ITGBL1: variants seen among roughly 807,000 people sequenced by gnomAD.
The protein encoded by ITGBL1 is integrin beta-like protein 1.
Under a neutral mutation model 68.5 loss-of-function variants are expected in ITGBL1, and 51 were observed. That is an observed-to-expected ratio of 0.74 (90% CI 0.59 to 0.94). The LOEUF (loss-of-function observed/expected upper bound fraction) is 0.94. ITGBL1 is among the 40% of genes least tolerant of loss of function. The pLI, the probability that ITGBL1 is intolerant of heterozygous loss-of-function variation, is 0.00. For missense variants in ITGBL1, 649 were observed against 647.4 expected (o/e 1.00, Z -0.03); for synonymous variants, 209 against 227.3 (o/e 0.92, Z 0.72).
At chr13:101,674,016 A>G (rs2139510807) in intron 7 of ITGBL1, among the ~76,000 whole-genome samples, 1 of 152,364 alleles carries the variant, frequency 6.6e-6, no homozygotes. Flanking sequence ...AAAGGGGCAA[A>G]TGTGAAAGTT....
At chr13:101,621,750 G>T (rs1408509063) in intron 7 of ITGBL1, among the ~76,000 whole-genome samples, 1 of 152,094 alleles carries the variant, frequency 6.6e-6, no homozygotes, top group Non-Finnish European at 1.5e-5. Flanking sequence ...GTCTTCTCTT[G>T]GGAAAAGGCA....
intron 7 of ITGBL1, among the ~76,000 whole-genome samples, chr13:101,599,154 T>A (rs1594917230): frequency 6.6e-6 from 1 of 151,874 alleles, no homozygotes; most frequent in Admixed American, 6.6e-5. Context: ...GGTATCTCAT[T>A]GTGGTTTTGA....
intron 2 of ITGBL1, among the ~76,000 whole-genome samples, chr13:101,551,800 C>T (rs1420248094): frequency 6.6e-6 from 1 of 151,564 alleles, no homozygotes; most frequent in African/African-American, 2.4e-5. Flanking sequence ...TATTGGTATG[C>T]CAATGCAAAA....
chr13:101,602,349 T>C (rs2030435241), intron 7 of ITGBL1, among the ~76,000 whole-genome samples: 1 of 152,048 alleles, frequency 6.6e-6, no homozygotes, highest in Non-Finnish European at 1.5e-5. Context: ...AAGGACAAAT[T>C]CATCTAGAAG....
intron 7 of ITGBL1, among the ~76,000 whole-genome samples, chr13:101,639,077 G>A (rs1357262162): frequency 1.3e-5 from 2 of 152,092 alleles, no homozygotes; most frequent in Non-Finnish European, 2.9e-5. Context: ...TCTCAGAAAC[G>A]CCCCAGTCCT....
chr13:101,584,392 A>T (rs2050515770), intron 6 of ITGBL1, among the ~76,000 whole-genome samples: 1 of 152,242 alleles, frequency 6.6e-6, no homozygotes, highest in South Asian at 2.1e-4. Flanking sequence ...GTTCTATTTG[A>T]TAACCCATAA....
chr13:101,596,186 T>C (rs916830392), intron 6 of ITGBL1, among the ~76,000 whole-genome samples: 2 of 151,848 alleles, frequency 1.3e-5, no homozygotes, highest in East Asian at 1.9e-4. Context: ...AAGCCAGACA[T>C]AGACAAAAAA....
At chr13:101,625,400 C>G (rs1284584250) in intron 7 of ITGBL1, among the ~76,000 whole-genome samples, 1 of 152,162 alleles carries the variant, frequency 6.6e-6, no homozygotes, top group Non-Finnish European at 1.5e-5. Context: ...CGGCCAGGAA[C>G]AAATCATATA....
intron 7 of ITGBL1, among the ~76,000 whole-genome samples, chr13:101,646,916 G>A (rs1285371392): frequency 6.6e-6 from 1 of 152,012 alleles, no homozygotes; most frequent in Non-Finnish European, 1.5e-5. Flanking sequence ...GCTAAATCCT[G>A]GAGTTTTATA....
At chr13:101,552,513 T>C (rs1021215937) in intron 2 of ITGBL1, among the ~76,000 whole-genome samples, 1 of 152,208 alleles carries the variant, frequency 6.6e-6, no homozygotes, top group Non-Finnish European at 1.5e-5. Context: ...GATCTTGTTT[T>C]GTAGGAAAAC....
At chr13:101,503,771 T>C (rs1269461927) in intron 2 of ITGBL1, among the ~76,000 whole-genome samples, 2 of 152,216 alleles carry the variant, frequency 1.3e-5, no homozygotes, top group Admixed American at 6.5e-5. Flanking sequence ...AATGGTAGAC[T>C]TGAGACTTTC....
At chr13:101,659,039 A>ATTTTTTT (rs55935871) in intron 7 of ITGBL1, among the ~76,000 whole-genome samples, 6 of 103,838 alleles carry the variant, frequency 5.8e-5, no homozygotes, top group Admixed American at 1.2e-4. Flanking sequence ...TGGTGATTGA[A>ATTTTTTT]TTTTTTTTTT....
chr13:101,489,997 A>G, intron 2 of ITGBL1: 1 of 1,460,050 alleles, frequency 6.8e-7, no homozygotes. Flanking sequence ...AGCATTTAAT[A>G]AAGGTAAGTA....
At chr13:101,719,892 C>T (rs1328850485), downstream of ITGBL1, 1 of 151,980 alleles carries the variant, frequency 6.6e-6, no homozygotes, top group Non-Finnish European at 1.5e-5. Flanking sequence ...GAAGTCTTAT[C>T]CCAAACAAAT....
chr13:101,533,895 T>C (rs528146942), intron 2 of ITGBL1, among the ~76,000 whole-genome samples: 1 of 152,314 alleles, frequency 6.6e-6, no homozygotes, highest in African/African-American at 2.4e-5. Flanking sequence ...AAATATTCCA[T>C]TAATAATGTT....
At chr13:101,591,310 A>G (rs758304831) in intron 6 of ITGBL1, among the ~76,000 whole-genome samples, 29 of 152,090 alleles carry the variant, frequency 1.9e-4, no homozygotes, top group Admixed American at 9.8e-4. Flanking sequence ...CCCATACTGT[A>G]AAGTCTAATC....
At chr13:101,653,859 TTTTG>T (rs570759605) in intron 7 of ITGBL1, among the ~76,000 whole-genome samples, 1 of 66,114 alleles carries the variant, frequency 1.5e-5, no homozygotes, top group East Asian at 3.9e-4. Context: ...CAGCTACTTT[TTTTG>T]TTTTTTGTTT....
At chr13:101,472,193 G>T (rs1273848418) in intron 2 of ITGBL1, among the ~76,000 whole-genome samples, 1 of 152,062 alleles carries the variant, frequency 6.6e-6, no homozygotes. Flanking sequence ...TAGACTTAAT[G>T]TCTTATGAGT....
intron 7 of ITGBL1, among the ~76,000 whole-genome samples, chr13:101,692,352 G>A (rs1327985503): frequency 1.3e-5 from 2 of 152,158 alleles, no homozygotes; most frequent in Non-Finnish European, 2.9e-5. Flanking sequence ...AATAGCAAAT[G>A]TGAATGACTT....
Sources: gnomAD v4.1 joint callset for allele counts (sites outside exome capture counted in the v4.1 genomes callset) on GRCh38, gnomAD v4.1.1 for gene constraint, MANE v1.5 for transcripts, NCBI Gene and HGNC (gene_info 2026-07-23, HGNC 2026-07-21) for gene names.